DNAH9: variants seen among roughly 807,000 people sequenced by gnomAD.
DNAH9 encodes the protein DNAH9 variant protein.
DNAH9 carries 345 observed loss-of-function variants against 471.6 expected under a neutral mutation model. The observed-to-expected ratio is 0.73, with a 90% CI of 0.67 to 0.80. The LOEUF (loss-of-function observed/expected upper bound fraction) is 0.80. Ranked by LOEUF, DNAH9 falls within the 30% of genes least tolerant of loss-of-function variation. The probability of loss-of-function intolerance (pLI) is 0.00; values close to 1 mark genes in which losing one functional copy is unlikely to be tolerated. For synonymous variants in DNAH9, 2,093 were observed against 2,123.6 expected (o/e 0.99, Z 0.40); for missense variants, 5,407 against 5,609.2 (o/e 0.96, Z 1.15).
intron 49 of DNAH9, among the ~76,000 whole-genome samples, chr17:11,840,312 A>T (rs1361567730): frequency 1.3e-5 from 2 of 152,196 alleles, no homozygotes; most frequent in Non-Finnish European, 2.9e-5. Flanking sequence ...TTCCCTCTTG[A>T]TACAAGATTA....
At chr17:11,877,027 T>A (rs1219913273) in intron 53 of DNAH9, among the ~76,000 whole-genome samples, 4 of 151,750 alleles carry the variant, frequency 2.6e-5, no homozygotes, top group African/African-American at 9.7e-5. Flanking sequence ...CAGTTTTGGT[T>A]TTTCAAGAAC....
chr17:11,807,090 G>A (rs1969717103), intron 43 of DNAH9, among the ~76,000 whole-genome samples: 1 of 152,132 alleles, frequency 6.6e-6, no homozygotes, highest in Non-Finnish European at 1.5e-5. Context: ...GTAAGGCTGT[G>A]AAGGGAGGAA....
chr17:11,642,708 G>T (rs2073300435), intron 10 of DNAH9, among the ~76,000 whole-genome samples: 1 of 152,226 alleles, frequency 6.6e-6, no homozygotes, highest in South Asian at 2.1e-4. Context: ...CACGTGAGAA[G>T]CCTCACTCTG....
intron 32 of DNAH9, among the ~76,000 whole-genome samples, chr17:11,747,970 T>C (rs1318889086): frequency 2.6e-5 from 4 of 151,916 alleles, no homozygotes; most frequent in Admixed American, 6.6e-5. Context: ...TCTCCCTCCT[T>C]GGGGACCTCT....
At chr17:11,854,743 C>T (rs1051976121) in intron 50 of DNAH9, among the ~76,000 whole-genome samples, 1 of 152,140 alleles carries the variant, frequency 6.6e-6, no homozygotes, top group Non-Finnish European at 1.5e-5. Context: ...TTTTAGCCAC[C>T]TTACCCTTTT....
chr17:11,738,582 T>C (rs1289386843), intron 28 of DNAH9, among the ~76,000 whole-genome samples: 1 of 152,182 alleles, frequency 6.6e-6, no homozygotes, highest in African/African-American at 2.4e-5. Flanking sequence ...GGTTTCACCA[T>C]GTTGGCCAGG....
chr17:11,905,595 T>G, intron 60 of DNAH9, 66 bp from the exon 61 acceptor site: 1 of 1,537,724 alleles, frequency 6.5e-7, no homozygotes, highest in Non-Finnish European at 8.9e-7. Flanking sequence ...GGCCTCTATT[T>G]CTCAAATGTT....
intron 50 of DNAH9, among the ~76,000 whole-genome samples, chr17:11,864,851 CT>C (rs749389428): frequency 6.6e-6 from 1 of 151,378 alleles, no homozygotes; most frequent in Non-Finnish European, 1.5e-5. Context: ...CAACCCCTGC[CT>C]TTTTTTGTTT....
At chr17:11,859,080 G>A (rs4792183) in intron 50 of DNAH9, among the ~76,000 whole-genome samples, 3,308 of 81,782 alleles carry the variant, frequency 0.04, 144 homozygotes, top group African/African-American at 0.15. Context: ...GGGAAACCCC[G>A]TCTCAAAAAA....
intron 66 of DNAH9, among the ~76,000 whole-genome samples, chr17:11,939,588 C>T (rs544757657): frequency 6.6e-6 from 1 of 152,234 alleles, no homozygotes; most frequent in African/African-American, 2.4e-5. Flanking sequence ...TCCTTCCTGT[C>T]CACACCGCAG....
At chr17:11,845,691 C>T (rs12165059) in intron 49 of DNAH9, among the ~76,000 whole-genome samples, 58,679 of 128,628 alleles carry the variant, frequency 0.46, 13,801 homozygotes, top group Non-Finnish European at 0.51. Context: ...TTTTAATGAT[C>T]GCCATTCTAA....
In DNAH9 at chr17:11,598,967, G is replaced by A. The variant is rs556464495; in HGVS notation, c.417+52G>A. ...GGCTAAAGCTGGGTGGGGGAGGGGA[G>A]GAGGAGCCTTAAGGGACGGAGGCGG... On this transcript the variant is annotated intron_variant, in intron 1 of 68. Coordinates refer to ENST00000262442, the MANE Select transcript of DNAH9 (RefSeq NM_001372.4). 6.6e-5 allele frequency: 91 copies of A among 1,381,802 alleles called. 2 individuals are homozygous for A. The South Asian group carries it at 1.2e-3, about 17-fold the overall frequency. 85.6% of individuals were successfully genotyped at this position (1,381,802 alleles called of 1,614,324 possible). A position where few individuals can be genotyped will look rare whatever the true frequency, so the allele number is the denominator to read the frequency against.
At chr17:11,655,967 T>C (rs2073638072) in intron 14 of DNAH9, among the ~76,000 whole-genome samples, 1 of 152,142 alleles carries the variant, frequency 6.6e-6, no homozygotes, top group Admixed American at 6.6e-5. Flanking sequence ...CATTGACTGA[T>C]AGGCATTTGG....
intron 55 of DNAH9, among the ~76,000 whole-genome samples, chr17:11,881,926 A>G (rs1972739402): frequency 6.6e-6 from 1 of 152,108 alleles, no homozygotes; most frequent in Admixed American, 6.5e-5. Flanking sequence ...AAAGAAAAAA[A>G]AAACAGCTTG....
At chr17:11,703,102 A>AAAAG (rs1555569588) in intron 24 of DNAH9, among the ~76,000 whole-genome samples, 33 of 151,426 alleles carry the variant, frequency 2.2e-4, no homozygotes, top group Middle Eastern at 6.8e-3. Flanking sequence ...AAAAAAAAAA[A>AAAAG]AAAAGAAAAG....
At position 11,669,681 on chromosome 17, in the gene DNAH9, G is replaced by T. The variant is rs575379729; in HGVS notation, c.3240G>T (p.Val1080=). Residue 1080 remains valine, a synonymous_variant, in exon 17 of 69, where the codon GTG becomes GTT. Transcript: ENST00000262442. ...TGTGCAGGCTGGAACCCATCAAGGT[G>T]TTTGACGGCTGGATGAAAATTGATA... ...EEVCRLEPIK[V]FDGWMKIDIR... is the part of the protein sequence containing the mutation. The T allele has an allele frequency of 6.2e-7, 1 of 1,614,128 alleles. No individual in the cohort carries two copies. The highest frequency in any genetic ancestry group is 2.2e-5 in the East Asian group (1 of 44,872).
intron 33 of DNAH9, among the ~76,000 whole-genome samples, chr17:11,754,650 G>A (rs1967299339): frequency 6.6e-6 from 1 of 152,048 alleles, no homozygotes; most frequent in Non-Finnish European, 1.5e-5. Context: ...GTCTGTTCAT[G>A]TTCTTTGTCC....
intron 6 of DNAH9, 63 bp from the exon 7 acceptor site, chr17:11,629,354 T>G (rs953671601): frequency 5.5e-5 from 80 of 1,441,830 alleles, no homozygotes; most frequent in Non-Finnish European, 7.5e-5. Context: ...CGGTGTTTGG[T>G]TTTTTGTCCT....
chr17:11,756,449 T>C (rs1967390940), intron 33 of DNAH9, 119 bp from the exon 34 acceptor site: 4 of 694,232 alleles, frequency 5.8e-6, no homozygotes, highest in Non-Finnish European at 1.0e-5. Context: ...AGCCAAACCA[T>C]ATAAAGGAAA....
Sources: gnomAD v4.1 joint callset for allele counts (sites outside exome capture counted in the v4.1 genomes callset) on GRCh38, gnomAD v4.1.1 for gene constraint, MANE v1.5 for transcripts, NCBI Gene and HGNC (gene_info 2026-07-23, HGNC 2026-07-21) for gene names.